The following MICU3 variants were observed in gnomAD, a reference collection of about 807,000 sequenced individuals.
The protein encoded by MICU3 is calcium uptake protein 3, mitochondrial.
In MICU3, 62 loss-of-function variants were observed where a neutral mutation model predicts 66.5. The ratio of observed to expected loss-of-function variants is 0.93; its 90% CI spans 0.76 to 1.15. MICU3 has a LOEUF of 1.15. Among genes scored for constraint, MICU3 ranks in the 50% most tolerant of loss-of-function variants. The pLI is 0.00. For missense variants in MICU3, 779 were observed against 664.4 expected, an observed-to-expected ratio of 1.17 and a Z score of -1.90; for synonymous variants, 308 against 240.7, an observed-to-expected ratio of 1.28 and a Z score of -2.59.
At chr8:17,090,612 A>ATGC in intron 8 of MICU3, 28 bp downstream of exon 8, 1 of 1,540,688 alleles carries the variant, frequency 6.5e-7, no homozygotes, top group Admixed American at 1.7e-5. Context: ...AATGTTCTTT[A>ATGC]TGTATATAGC....
At chr8:17,085,681 C>G (rs1309003394) in intron 6 of MICU3, among the ~76,000 whole-genome samples, 2 of 152,002 alleles carry the variant, frequency 1.3e-5, no homozygotes, top group African/African-American at 2.4e-5. Context: ...AGGAACTTCT[C>G]TTCCTTCTCA....
intron 1 of MICU3, among the ~76,000 whole-genome samples, chr8:17,048,834 G>T (rs1206060775): frequency 3.3e-5 from 5 of 152,068 alleles, no homozygotes; most frequent in Non-Finnish European, 7.3e-5. Context: ...GCCCAGGCTG[G>T]TCTCAAACTG....
rs374778246 is a variant in MICU3 at position 17,105,420 on chromosome 8, G to A, written c.1093G>A (p.Asp365Asn). ...LNFEDFYRFMDNLQTEVLEIE... is the reference protein window; with the variant it reads ...LNFEDFYRFMNNLQTEVLEIE... ...ATTACATTTTTGTCATAGATTCATG[G>A]ATAATCTCCAAACAGAAGTTCTAGA... The change falls in exon 11 of 15, where the codon GAT becomes AAT. Residue 365 changes from aspartate to asparagine, a missense_variant. By Grantham distance (23) the Asp-to-Asn change is conservative (BLOSUM62 1). Coordinates refer to ENST00000318063, the MANE Select transcript of MICU3 (RefSeq NM_181723.3). 3 of 1,532,108 alleles carry A rather than the reference G, an allele frequency of 2.0e-6. No individual in the cohort carries two copies. The highest frequency in any genetic ancestry group is 2.8e-5 in the African/African-American group (2 of 70,942). The allele number at this position is 1,532,108 out of a possible 1,614,324, so 94.9% of individuals were successfully genotyped here. A position where few individuals can be genotyped will look rare whatever the true frequency, so the allele number is the denominator to read the frequency against.
intron 1 of MICU3, among the ~76,000 whole-genome samples, chr8:17,059,656 C>T (rs964433252): frequency 2.6e-5 from 4 of 152,020 alleles, no homozygotes; most frequent in Non-Finnish European, 2.9e-5. Flanking sequence ...GGATATGAAG[C>T]AAATACACTA....
At chr8:17,041,269 G>C (rs1199572600) in intron 1 of MICU3, among the ~76,000 whole-genome samples, 3 of 149,844 alleles carry the variant, frequency 2.0e-5, no homozygotes, top group African/African-American at 7.4e-5. Flanking sequence ...GTCAAGACAG[G>C]TTAAAAAAAA....
chr8:17,101,441 C>A (rs940395307), intron 9 of MICU3, among the ~76,000 whole-genome samples: 1 of 151,804 alleles, frequency 6.6e-6, no homozygotes, highest in Non-Finnish European at 1.5e-5. Flanking sequence ...TTTTCATTTT[C>A]ATTTCTCTGA....
intron 9 of MICU3, among the ~76,000 whole-genome samples, chr8:17,101,229 T>C (rs752802484): frequency 6.6e-6 from 1 of 151,778 alleles, no homozygotes; most frequent in Non-Finnish European, 1.5e-5. Context: ...TTGGTGGCTT[T>C]TTCTCCCTTT....
intron 3 of MICU3, among the ~76,000 whole-genome samples, chr8:17,076,194 ATTGT>A (rs1359718667): frequency 2.0e-5 from 3 of 151,764 alleles, no homozygotes; most frequent in Admixed American, 6.6e-5. Context: ...TGCCCAGCTA[ATTGT>A]TTGTCTGTTT....
Position 17,114,119 on chromosome 8 carries a change from AT to A in MICU3, c.1289del (p.Phe430SerfsTer4). On this transcript the variant is annotated frameshift_variant, in exon 12 of 15. Transcript: ENST00000318063. LOFTEE classifies it high-confidence loss of function. ...GCATCACATTTGATGAATTCAGGTC[AT>A]TTTTCCAGTTTTTAAACAACCTAGA... ...KGITFDEFRSFFQFLNNLEDF... is the reference protein window; with the variant it reads ...KGITFDEFRSXFQFLNNLEDF... The A allele has an allele frequency of 1.2e-6, 2 of 1,611,978 alleles. No homozygotes were observed. Among genetic ancestry groups the A allele is most frequent in the East Asian group, 2.2e-5 (1 of 44,776 alleles).
At chr8:17,094,345 G>A (rs886558628) in intron 8 of MICU3, among the ~76,000 whole-genome samples, 2 of 151,930 alleles carry the variant, frequency 1.3e-5, no homozygotes, top group African/African-American at 4.8e-5. Context: ...CATATGTTAT[G>A]TATTTACCAT....
chr8:17,050,662 A>G (rs1201633501), intron 1 of MICU3, among the ~76,000 whole-genome samples: 2 of 152,002 alleles, frequency 1.3e-5, no homozygotes, highest in African/African-American at 2.4e-5. Context: ...CAGTTTTTCC[A>G]TTATGTAATT....
the MICU3 span, among the ~76,000 whole-genome samples, chr8:17,128,557 T>C: frequency 1.3e-5 from 2 of 152,176 alleles, no homozygotes; most frequent in African/African-American, 4.8e-5. Context: ...GAAATAAGCA[T>C]TTGCTGAAAT....
chr8:17,073,570 G>A (rs1184113137), intron 3 of MICU3, among the ~76,000 whole-genome samples: 1 of 152,264 alleles, frequency 6.6e-6, no homozygotes, highest in East Asian at 1.9e-4. Context: ...AATAGAAATA[G>A]AGTGCACAAT....
intron 1 of MICU3, among the ~76,000 whole-genome samples, chr8:17,050,487 A>G (rs1213908424): frequency 1.3e-5 from 2 of 152,074 alleles, no homozygotes; most frequent in Non-Finnish European, 2.9e-5. Context: ...TGGTCAGTTT[A>G]TATAGTCCCT....
At chr8:17,096,008 T>C (rs954559525) in intron 8 of MICU3, among the ~76,000 whole-genome samples, 2 of 152,026 alleles carry the variant, frequency 1.3e-5, no homozygotes, top group Non-Finnish European at 2.9e-5. Context: ...GCCTTTCACT[T>C]GTGAAGTTCT....
At chr8:17,037,673 T>A (rs780748782) in intron 1 of MICU3, among the ~76,000 whole-genome samples, 13 of 151,996 alleles carry the variant, frequency 8.6e-5, no homozygotes, top group Admixed American at 5.2e-4. Flanking sequence ...AGGGCCACCA[T>A]CCTCCAGACC....
At position 17,104,697 on chromosome 8, in the gene MICU3, T is replaced by A. The variant is rs181049354; in HGVS notation, c.1085+206T>A. 7.1e-4 allele frequency among the ~76,000 whole-genome samples: 107 copies of A among 151,766 alleles called. 1 individual carries two copies. In the East Asian group the frequency reaches 0.012, roughly 17 times the overall value. On this transcript the variant is annotated intron_variant, in intron 10 of 14. Coordinates refer to ENST00000318063, the MANE Select transcript of MICU3 (RefSeq NM_181723.3). ...ATAACAGGAAGTTACTGAATTTTTT[T>A]AAAAATTCCAGATATCGGCCGGGCG...
At chr8:17,126,770 A>G (rs544419586), downstream of MICU3, among the ~76,000 whole-genome samples, 1 of 152,348 alleles carries the variant, frequency 6.6e-6, no homozygotes, top group South Asian at 2.1e-4. Context: ...AAGAAAAAAT[A>G]AAAGTATTAC....
At chr8:17,111,048 T>C (rs1802162600) in intron 11 of MICU3, among the ~76,000 whole-genome samples, 1 of 152,224 alleles carries the variant, frequency 6.6e-6, no homozygotes, top group Non-Finnish European at 1.5e-5. Flanking sequence ...TGAGTAGTGC[T>C]GCTGTGAATA....
Sources: gnomAD v4.1 joint callset for allele counts (sites outside exome capture counted in the v4.1 genomes callset) on GRCh38, gnomAD v4.1.1 for gene constraint, MANE v1.5 for transcripts, NCBI Gene and HGNC (gene_info 2026-07-23, HGNC 2026-07-21) for gene names.